The following SAMMSON variants were observed in gnomAD, a reference collection of about 807,000 sequenced individuals.
SAMMSON encodes survival associated mitochondrial melanoma specific oncogenic non-coding RNA, also known as long intergenic non-protein coding RNA 1212.
intron 6 of SAMMSON, among the ~76,000 whole-genome samples, chr3:70,262,256 A>G (rs1173547406): frequency 6.6e-6 from 1 of 152,192 alleles, no homozygotes; most frequent in Admixed American, 6.5e-5. Context: ...GTGAGACTGA[A>G]AACAGGCAGT....
intron 3 of SAMMSON, among the ~76,000 whole-genome samples, chr3:70,023,837 C>A (rs1450510197): frequency 2.0e-5 from 3 of 152,192 alleles, no homozygotes; most frequent in Non-Finnish European, 2.9e-5. Context: ...CAAATTTGGA[C>A]TGCAAGCCAT....
At chr3:70,271,713 T>A (rs6549322) in intron 6 of SAMMSON, 4 of 152,050 alleles carry the variant, frequency 2.6e-5, no homozygotes, top group Non-Finnish European at 2.9e-5. Flanking sequence ...AAGAATGAAA[T>A]TGTAGCCCTA....
chr3:70,422,049 T>A (rs1701317361), intron 2 of SAMMSON, among the ~76,000 whole-genome samples: 1 of 152,034 alleles, frequency 6.6e-6, no homozygotes, highest in African/African-American at 2.4e-5. Flanking sequence ...GTATTTACTG[T>A]GCTAAAAATT....
At chr3:70,407,556 T>C (rs1414507406) in intron 2 of SAMMSON, among the ~76,000 whole-genome samples, 1 of 152,182 alleles carries the variant, frequency 6.6e-6, no homozygotes, top group Non-Finnish European at 1.5e-5. Context: ...ATTTTAAAGC[T>C]TCAAAATGAT....
At chr3:70,175,499 G>T (rs1408026401) in intron 4 of SAMMSON, among the ~76,000 whole-genome samples, 1 of 152,106 alleles carries the variant, frequency 6.6e-6, no homozygotes, top group Admixed American at 6.6e-5. Context: ...TGTTAGGAGA[G>T]AAGCAGAAGG....
intron 6 of SAMMSON, among the ~76,000 whole-genome samples, chr3:70,276,971 T>A (rs2106677459): frequency 6.6e-6 from 1 of 152,290 alleles, no homozygotes; most frequent in Non-Finnish European, 1.5e-5. Flanking sequence ...TCACTGGATT[T>A]TTTTTTTTAT....
At chr3:70,273,204 G>A (rs916740028) in intron 6 of SAMMSON, among the ~76,000 whole-genome samples, 2 of 152,196 alleles carry the variant, frequency 1.3e-5, no homozygotes, top group African/African-American at 2.4e-5. Context: ...GAGGTTTCAT[G>A]CAGATGTGAA....
chr3:70,340,795 C>A (rs942199261), intron 7 of SAMMSON, among the ~76,000 whole-genome samples: 1 of 152,068 alleles, frequency 6.6e-6, no homozygotes, highest in Admixed American at 6.6e-5. Context: ...CCCCTTGCAC[C>A]TTTTACTTAG....
intron 2 of SAMMSON, among the ~76,000 whole-genome samples, chr3:70,412,939 G>A (rs1046959317): frequency 6.6e-6 from 1 of 152,144 alleles, no homozygotes; most frequent in Non-Finnish European, 1.5e-5. Flanking sequence ...CTAGCAAGCA[G>A]ACTTTAAGAA....
At chr3:70,069,179 A>G (rs1212144281) in intron 3 of SAMMSON, 1 of 152,116 alleles carries the variant, frequency 6.6e-6, no homozygotes, top group African/African-American at 2.4e-5. Flanking sequence ...ATCATCTAAA[A>G]AGAAAAATTT....
chr3:70,153,662 T>G (rs1576137122), intron 4 of SAMMSON, among the ~76,000 whole-genome samples: 1 of 152,032 alleles, frequency 6.6e-6, no homozygotes, highest in East Asian at 1.9e-4. Context: ...TCTATATTTT[T>G]GCGATTTTTA....
chr3:70,146,791 C>T, intron 4 of SAMMSON, among the ~76,000 whole-genome samples: 1 of 151,976 alleles, frequency 6.6e-6, no homozygotes, highest in East Asian at 1.9e-4. Flanking sequence ...CACTCTTATT[C>T]AACATCACAC....
At chr3:70,329,125 G>C (rs151222689) in intron 7 of SAMMSON, among the ~76,000 whole-genome samples, 10 of 152,172 alleles carry the variant, frequency 6.6e-5, no homozygotes, top group African/African-American at 1.2e-4. Context: ...TTCATCATAT[G>C]AAAATAAGAG....
chr3:70,185,531 T>C (rs1463604274), intron 4 of SAMMSON, among the ~76,000 whole-genome samples: 3 of 152,192 alleles, frequency 2.0e-5, no homozygotes, highest in Non-Finnish European at 2.9e-5. Context: ...ATAAGTTTTA[T>C]AGGACAACAG....
chr3:70,210,299 A>G (rs1183014784), intron 4 of SAMMSON, among the ~76,000 whole-genome samples: 29 of 152,162 alleles, frequency 1.9e-4, no homozygotes, highest in Non-Finnish European at 1.5e-5. Flanking sequence ...ACTGCCATTC[A>G]TAAAGTTATT....
chr3:70,225,615 T>A (rs1180206993), intron 4 of SAMMSON, among the ~76,000 whole-genome samples: 1 of 152,196 alleles, frequency 6.6e-6, no homozygotes, highest in Non-Finnish European at 1.5e-5. Context: ...GCTAGAAGCA[T>A]GCCTAATTCC....
At chr3:70,150,567 C>T (rs2067567351) in intron 4 of SAMMSON, among the ~76,000 whole-genome samples, 1 of 151,808 alleles carries the variant, frequency 6.6e-6, no homozygotes, top group Non-Finnish European at 1.5e-5. Context: ...GAATTTGGCC[C>T]CAAATACCAT....
intron 3 of SAMMSON, among the ~76,000 whole-genome samples, chr3:70,020,636 G>T (rs78050330): frequency 1.7e-3 from 263 of 152,034 alleles, no homozygotes; most frequent in African/African-American, 6.1e-3. Flanking sequence ...ATTTCTCTTC[G>T]CCTTCTAATC....
chr3:70,079,674 T>C (rs572472738), intron 4 of SAMMSON, among the ~76,000 whole-genome samples: 38 of 152,322 alleles, frequency 2.5e-4, no homozygotes, highest in African/African-American at 9.1e-4. Flanking sequence ...GGATAGGCTA[T>C]GATGTTTGGT....
Sources: allele counts gnomAD v4.1 joint callset (sites outside exome capture counted in the v4.1 genomes callset), GRCh38; gene constraint gnomAD v4.1.1; transcripts MANE v1.5; gene names NCBI Gene and HGNC (gene_info 2026-07-23, HGNC 2026-07-21).